Variants in LRIG3 observed in about 807,000 individuals in gnomAD.
LRIG3 encodes leucine-rich repeats and immunoglobulin-like domains protein 3.
In LRIG3, 76 loss-of-function variants were observed where a neutral mutation model predicts 114.5. That is an observed-to-expected ratio of 0.66 (90% confidence interval 0.55 to 0.80). The LOEUF is 0.80. LRIG3 is among the 30% of genes least tolerant of loss of function. LRIG3 has a pLI of 0.00. For missense variants in LRIG3, 1,239 were observed against 1,382.8 expected (o/e 0.90, Z 1.65); for synonymous variants, 512 against 519.8 (o/e 0.98, Z 0.20).
intron 3 of LRIG3, among the ~76,000 whole-genome samples, chr12:58,910,607 CA>C (rs1030568515): frequency 1.3e-5 from 2 of 148,622 alleles, no homozygotes; most frequent in African/African-American, 2.5e-5. Context: ...GACTCCGTCT[CA>C]AAAAAAAACA....
At chr12:58,906,501 GT>G (rs1038563141) in intron 3 of LRIG3, among the ~76,000 whole-genome samples, 3 of 152,010 alleles carry the variant, frequency 2.0e-5, no homozygotes, top group Non-Finnish European at 4.4e-5. Context: ...TCCCAAAGCT[GT>G]TTTTTTCATG....
intron 14 of LRIG3, 135 bp from the exon 15 acceptor site, chr12:58,877,987 G>C: frequency 1.2e-6 from 1 of 826,620 alleles, no homozygotes; most frequent in South Asian, 1.8e-5. Context: ...ACTTTTCTAA[G>C]AGCCTAAACA....
intron 14 of LRIG3, among the ~76,000 whole-genome samples, chr12:58,878,122 G>A (rs1012444853): frequency 6.6e-6 from 1 of 151,944 alleles, no homozygotes; most frequent in Non-Finnish European, 1.5e-5. Context: ...GCTGGTAGTA[G>A]GGGGGGAGAG....
chr12:58,885,845 A>G lies in LRIG3; in HGVS notation c.1230T>C (p.Asp410=), dbSNP rs377561286. 6.3e-7 allele frequency: 1 copy of G among 1,588,986 alleles called. No homozygotes were observed. Among genetic ancestry groups the G allele is most frequent in the Non-Finnish European group, 8.6e-7 (1 of 1,164,122 alleles). ...SITKKAFTGL[D]ALEHLDLSDN... ...TAGCTACTCACAGATGCTCCAATGC[A>G]TCCAAACCAGTGAAGGCTTTTTTAG... Residue 410 remains aspartate, a synonymous_variant, in exon 10 of 19, where the codon GAT becomes GAC. Coordinates refer to ENST00000320743, the MANE Select transcript of LRIG3 (RefSeq NM_153377.5).
At chr12:58,881,153 T>A in intron 12 of LRIG3, among the ~76,000 whole-genome samples, 1 of 152,216 alleles carries the variant, frequency 6.6e-6, no homozygotes, top group East Asian at 1.9e-4. Context: ...GACTGTTATT[T>A]TGGAGCTATC....
intron 3 of LRIG3, among the ~76,000 whole-genome samples, chr12:58,898,804 AC>A (rs1871737679): frequency 6.6e-6 from 1 of 152,032 alleles, no homozygotes; most frequent in East Asian, 1.9e-4. Flanking sequence ...GATTACAGGC[AC>A]ATGCCACCAC....
At chr12:58,893,111 T>C (rs2120923154) in intron 3 of LRIG3, among the ~76,000 whole-genome samples, 1 of 152,282 alleles carries the variant, frequency 6.6e-6, no homozygotes, top group East Asian at 1.9e-4. Context: ...CCAGGGCTTG[T>C]GTGTATTTAC....
At chr12:58,876,345 G>T in intron 16 of LRIG3, 100 bp downstream of exon 16, 1 of 1,324,164 alleles carries the variant, frequency 7.6e-7, no homozygotes, top group Non-Finnish European at 1.0e-6. Flanking sequence ...GGTCCTAAAT[G>T]TCAGTGTTAT....
chr12:58,896,094 A>G (rs77795732), intron 3 of LRIG3, among the ~76,000 whole-genome samples: 3,460 of 152,300 alleles, frequency 0.023, 119 homozygotes, highest in East Asian at 0.098. Flanking sequence ...GAACAGCCCA[A>G]TACTGGCATT....
chr12:58,875,931 A>G (rs1004500287), intron 16 of LRIG3, among the ~76,000 whole-genome samples: 2 of 152,242 alleles, frequency 1.3e-5, no homozygotes, highest in South Asian at 4.1e-4. Context: ...ATGTGGCTGT[A>G]GTCCCAGTTA....
At chr12:58,919,404 C>T (rs1194603733) in intron 1 of LRIG3, 12 of 1,551,462 alleles carry the variant, frequency 7.7e-6, no homozygotes, top group Middle Eastern at 1.7e-4. Context: ...TCTTTACAAT[C>T]TGGTTGAGGA....
At chr12:58,874,389 T>C in intron 17 of LRIG3, 41 bp downstream of exon 17, 1 of 1,611,316 alleles carries the variant, frequency 6.2e-7, no homozygotes. Context: ...TAGAAGTCTC[T>C]CTAAGAAACA....
chr12:58,919,995 CT>C lies in LRIG3; in HGVS notation c.236+4del. The C allele has an allele frequency of 1.3e-6, 2 of 1,550,966 alleles. No individual in the cohort carries two copies. Among genetic ancestry groups the C allele is most frequent in the Non-Finnish European group, 1.7e-6 (2 of 1,147,226 alleles). ...GCCCCCTCCCCCCGCGGGAAGAATA[CT>C]TACAGCCGAGCGACCCAGGACGGGA... On this transcript the variant is annotated splice_donor_region_variant and intron_variant, in intron 1 of 18. Transcript: ENST00000320743.
chr12:58,879,177 ATTTG>A (rs767603832), intron 13 of LRIG3, 72 bp from the exon 14 acceptor site: 19 of 1,466,844 alleles, frequency 1.3e-5, no homozygotes, highest in South Asian at 5.5e-5. Context: ...CCTTTTTATT[ATTTG>A]TTTGTTTGTT....
intron 3 of LRIG3, among the ~76,000 whole-genome samples, chr12:58,909,379 C>CT (rs1485544845): frequency 6.6e-6 from 1 of 152,142 alleles, no homozygotes; most frequent in African/African-American, 2.4e-5. Context: ...TCCCTTCATT[C>CT]TCCTTTCTTT....
chr12:58,900,688 A>G (rs2120946231), intron 3 of LRIG3, among the ~76,000 whole-genome samples: 1 of 152,364 alleles, frequency 6.6e-6, no homozygotes, highest in East Asian at 1.9e-4. Context: ...TACAAACCAG[A>G]AAACACTGCA....
intron 1 of LRIG3, chr12:58,919,386 C>T: frequency 6.4e-7 from 1 of 1,551,118 alleles, no homozygotes; most frequent in Non-Finnish European, 8.7e-7. Context: ...TCCATAGCTA[C>T]CGACCAGTCT....
In LRIG3 at chr12:58,872,614, G is replaced by GT. The variant is rs747149972; in HGVS notation, c.3317dup (p.Asn1106LysfsTer11). 3 of 1,613,972 alleles carry GT rather than the reference G, an allele frequency of 1.9e-6. No individual in the cohort carries two copies. In the South Asian group the frequency reaches 3.3e-5, roughly 18 times the overall value. The stretch of plus-strand genomic sequence containing the variant: ...AAGACTGAAAATTTGGAGTCCTGTA[G>GT]TTTTCTAAAGTCTGTTTAAAGGTAC... On this transcript the variant is annotated frameshift_variant, in exon 19 of 19. Transcript: ENST00000320743. LOFTEE classifies it high-confidence loss of function.
chr12:58,874,700 G>T, intron 16 of LRIG3, 127 bp from the exon 17 acceptor site: 1 of 1,264,890 alleles, frequency 7.9e-7, no homozygotes. Flanking sequence ...CAAAAAAATT[G>T]CAAAAATTTA....
Sources: allele counts gnomAD v4.1 joint callset (sites outside exome capture counted in the v4.1 genomes callset), GRCh38; gene constraint gnomAD v4.1.1; transcripts MANE v1.5; gene names NCBI Gene and HGNC (gene_info 2026-07-23, HGNC 2026-07-21).